ZFTA: variants seen among roughly 807,000 people sequenced by gnomAD.
ZFTA encodes zinc finger translocation-associated protein.
A neutral mutation model predicts 41.8 loss-of-function variants in ZFTA; 35 were observed. The observed-to-expected ratio is 0.84, with a 90% CI of 0.64 to 1.11. ZFTA has a LOEUF of 1.11. Ranked by LOEUF, ZFTA falls within the 50% of genes most tolerant of loss-of-function variation. The pLI is 0.00. For synonymous variants in ZFTA, 514 were observed against 436.4 expected, an observed-to-expected ratio of 1.18 and a Z score of -2.22; for missense variants, 964 against 989.8, an observed-to-expected ratio of 0.97 and a Z score of 0.35.
Position 63,763,729 on chromosome 11 carries a change from C to A in ZFTA, c.1726G>T (p.Glu576Ter), listed in dbSNP as rs1247962101. 2 of 1,511,306 alleles carry A rather than the reference C, an allele frequency of 1.3e-6. No homozygotes were observed. Among genetic ancestry groups the A allele is most frequent in the Non-Finnish European group, 1.8e-6 (2 of 1,125,910 alleles). 93.6% of individuals were successfully genotyped at this position (1,511,306 alleles called of 1,614,324 possible). The part of the protein sequence containing the change: ...PPPPPPPRSR[E>*]QRRNYQPRWR... ...CGCGGCTGGTAGTTCCGCCGCTGCT[C>A]CCGGCTGCGGGGCGGGGGCGGAGGC... is the stretch of plus-strand genomic sequence containing the variant. The change falls in exon 5 of 5, where the codon GAG becomes TAG. Residue 576 changes from glutamate to a stop codon, truncating the protein, a stop_gained. Coordinates refer to ENST00000433688, the MANE Select transcript of ZFTA (RefSeq NM_001144936.2). LOFTEE classifies it low-confidence loss of function (END_TRUNC).
Position 63,763,632 on chromosome 11 carries a change from G to A in ZFTA, c.1823C>T (p.Ala608Val), listed in dbSNP as rs1397525154. Reference sequence around the variant, plus strand: ...GGTGCTCACCTTGAGCGTGGCCAGCGCGCCCCCGCACACCATACACACCAG... The same window carrying A: ...GGTGCTCACCTTGAGCGTGGCCAGCACGCCCCCGCACACCATACACACCAG... The part of the protein sequence containing the change: ...RGLVCMVCGG[A>V]LATLKVSTIK... Residue 608 changes from alanine (A) to valine (V), a missense_variant, in exon 5 of 5, where the codon GCG becomes GTG. This residue lies in a region of ZFTA where 63 missense variants were observed against 97.8 expected (regional missense o/e 0.64). Coordinates refer to ENST00000433688, the MANE Select transcript of ZFTA (RefSeq NM_001144936.2). 2 of 1,548,272 alleles carry A rather than the reference G, an allele frequency of 1.3e-6. No homozygotes were observed. Among genetic ancestry groups the A allele is most frequent in the South Asian group, 1.2e-5 (1 of 83,942 alleles).
rs1419243941 is a variant in ZFTA at position 63,765,899 on chromosome 11, A to T, written c.545T>A (p.Leu182Gln). 6.5e-7 allele frequency: 1 copy of T among 1,546,998 alleles called. No individual in the cohort carries two copies. Among genetic ancestry groups the T allele is most frequent in the Non-Finnish European group, 8.7e-7 (1 of 1,145,168 alleles). The change falls in exon 2 of 5, where the codon CTG (leucine) becomes CAG (glutamine). Residue 182 changes from leucine (L) to glutamine (Q), a missense_variant. Transcript: ENST00000433688. The surrounding 1 kb of genome is among the most constrained non-coding windows in gnomAD (Gnocchi z 4.0). ...CTCCTCCTCAGCCCCCTGGACCCCC[A>T]GGCCCTCGGCCTCTCCGCAGGCCCC... ...GLGACGEAEGLGVQGAEEEEE... is the reference protein window; with the variant it reads ...GLGACGEAEGQGVQGAEEEEE...
Position 63,764,413 on chromosome 11 carries a change from C to T in ZFTA, c.1210G>A (p.Val404Ile), listed in dbSNP as rs960847615. Residue 404 changes from valine to isoleucine, a missense_variant, in exon 4 of 5, where the codon GTC becomes ATC. Transcript: ENST00000433688. ...CGGCCCCGCGGCGACCGGCCCGGGA[C>T]CCCCGCCCTCTCGCCCTCGCCCTCC... is the stretch of plus-strand genomic sequence containing the variant. ...LEEGEGERAG[V>I]PGRSPRGRAH... The T allele has an allele frequency of 9.4e-6, 12 of 1,273,374 alleles. No individual in the cohort carries two copies. Among genetic ancestry groups the T allele is most frequent in the Non-Finnish European group, 8.9e-6 (9 of 1,012,412 alleles). The allele number at this position is 1,273,374 out of a possible 1,614,324, so 78.9% of individuals were successfully genotyped here.
In ZFTA at chr11:63,764,112, G is replaced by C. The variant is rs2014702666; in HGVS notation, c.1511C>G (p.Pro504Arg). The C allele has an allele frequency of 1.7e-5, 23 of 1,345,680 alleles. No individual in the cohort carries two copies. The highest frequency in any genetic ancestry group is 4.0e-5 in the Admixed American group (1 of 25,130). The allele number at this position is 1,345,680 out of a possible 1,614,324, so 83.4% of individuals were successfully genotyped here. ...RPESPQGPIP[P>R]GTAAASDEGG... ...CTCGTCGGAGGCTGCGGCAGTGCCGGGGGGGATGGGGCCCTGGGGGGACTC... is the reference window on the plus strand; with the variant it reads ...CTCGTCGGAGGCTGCGGCAGTGCCGCGGGGGATGGGGCCCTGGGGGGACTC... Residue 504 changes from proline (P) to arginine (R), a missense_variant, in exon 4 of 5, where the codon CCC (proline) becomes CGC (arginine). By Grantham distance (103) the Pro-to-Arg change is moderately radical. This residue lies in a region of ZFTA where 584 missense variants were observed against 523.1 expected (regional missense o/e 1.12). Coordinates refer to ENST00000433688, the MANE Select transcript of ZFTA (RefSeq NM_001144936.2).
At position 63,765,329 on chromosome 11, in the gene ZFTA, A is replaced by C; in HGVS notation, c.638-75T>G. ...ACCCACTACAGCCAGGTCTCCCACA[A>C]GCCTCTCACTCACTTGGGCCCCAGG... is the stretch of plus-strand genomic sequence containing the variant. On this transcript the variant is annotated intron_variant, in intron 2 of 4. Transcript: ENST00000433688. This position sits in a 1 kb window ranked among gnomAD's most constrained non-coding sequence, Gnocchi z 4.0. 7.2e-7 allele frequency: 1 copy of C among 1,382,914 alleles called. No individual in the cohort carries two copies. The allele number at this position is 1,382,914 out of a possible 1,614,324, so 85.7% of individuals were successfully genotyped here.
At position 63,766,184 on chromosome 11, in the gene ZFTA, C is replaced by A; in HGVS notation, c.260G>T (p.Arg87Leu). The change falls in exon 2 of 5, where the codon CGG becomes CTG. Residue 87 changes from arginine (R) to leucine (L), a missense_variant. Transcript: ENST00000433688. ...GRKYSDHCEARASRPGKSRIP... is the reference protein window; with the variant it reads ...GRKYSDHCEALASRPGKSRIP... ...GCGGCTCTTTCCAGGCCTCGAGGCC[C>A]GGGCCTCACAGTGGTCTGAATATTT... 6.5e-7 allele frequency: 1 copy of A among 1,527,480 alleles called. No individual in the cohort carries two copies. The highest frequency in any genetic ancestry group is 8.8e-7 in the Non-Finnish European group (1 of 1,136,314). 94.6% of individuals were successfully genotyped at this position (1,527,480 alleles called of 1,614,324 possible).
In ZFTA at chr11:63,764,443, G is replaced by GCTC. The variant is rs967666675; in HGVS notation, c.1177_1179dup (p.Glu393dup). On this transcript the variant is annotated inframe_insertion, in exon 4 of 5. Transcript: ENST00000433688. ...GCCCTCTCGCCCTCGCCCTCCTCCAGCTCCTCCTCCTCCTCTGCGGGCCCG... is the reference window on the plus strand; with the variant it reads ...GCCCTCTCGCCCTCGCCCTCCTCCAGCTCCTCCTCCTCCTCCTCTGCGGGCCCG... The GCTC allele has an allele frequency of 3.2e-5, 41 of 1,265,464 alleles. No homozygotes were observed. In the East Asian group the frequency reaches 9.8e-4, roughly 30 times the overall value. 78.4% of individuals were successfully genotyped at this position (1,265,464 alleles called of 1,614,324 possible). A position where few individuals can be genotyped will look rare whatever the true frequency, so the allele number is the denominator to read the frequency against.
At chr11:63,768,299 C>T (rs2014779934) in intron 1 of ZFTA, among the ~76,000 whole-genome samples, 185 bp downstream of exon 1, 1 of 149,868 alleles carries the variant, frequency 6.7e-6, no homozygotes, top group South Asian at 2.1e-4. Context: ...GCGAGCCGAC[C>T]CCGGGAGCTG....
In ZFTA at chr11:63,763,319, C is replaced by T; in HGVS notation, c.*99G>A. The T allele has an allele frequency of 3.2e-6, 3 of 937,188 alleles. No individual in the cohort carries two copies. In the South Asian group the frequency reaches 1.5e-4, roughly 46 times the overall value. The allele number at this position is 937,188 out of a possible 1,614,324, so 58.1% of individuals were successfully genotyped here. A position where few individuals can be genotyped will look rare whatever the true frequency, so the allele number is the denominator to read the frequency against. Reference sequence around the variant, plus strand: ...GGCGCGGCCGCGGGAAGCGCTAACACCGGACGCGAGGGTCTCCCAGCCGAA... The same window carrying T: ...GGCGCGGCCGCGGGAAGCGCTAACATCGGACGCGAGGGTCTCCCAGCCGAA... On this transcript the variant is annotated 3_prime_UTR_variant, in exon 5 of 5. Transcript: ENST00000433688.
At chr11:63,766,397 G>A (rs866309594) in intron 1 of ZFTA, 93 bp from the exon 2 acceptor site, 10 of 1,387,008 alleles carry the variant, frequency 7.2e-6, no homozygotes, top group Middle Eastern at 1.9e-4. Flanking sequence ...AAGGGAGCTG[G>A]GGGAGGGGGT....
rs889654374 is a variant in ZFTA at position 63,764,060 on chromosome 11, T to C, written c.1563A>G (p.Pro521=). ...DEGGGDEEEE[P]EEEEEEWGDV... ...CACCCCACTCCTCCTCCTCCTCCTC[T>C]GGCTCCTCCTCCTCGTCCCCTCCCC... Residue 521 remains proline, a synonymous_variant, in exon 4 of 5, where the codon CCA becomes CCG. Coordinates refer to ENST00000433688, the MANE Select transcript of ZFTA (RefSeq NM_001144936.2). 8.3e-6 allele frequency: 11 copies of C among 1,332,554 alleles called. No individual in the cohort carries two copies. In the Admixed American group the frequency reaches 1.2e-4, roughly 15 times the overall value. The allele number at this position is 1,332,554 out of a possible 1,614,324, so 82.5% of individuals were successfully genotyped here.
In ZFTA at chr11:63,768,757, G is replaced by T. The variant is rs1006911453; in HGVS notation, c.-135C>A. The T allele has an allele frequency of 8.7e-5, 19 of 218,870 alleles. No homozygotes were observed. Among genetic ancestry groups the T allele is most frequent in the Non-Finnish European group, 1.2e-4 (16 of 131,330 alleles). 13.6% of individuals were successfully genotyped at this position (218,870 alleles called of 1,614,324 possible). ...GCACGGGGCGGCCGGCCGCACGGACGGCAGGCTGCTCGCTCGGCGGCGCGG... is the reference window on the plus strand; with the variant it reads ...GCACGGGGCGGCCGGCCGCACGGACTGCAGGCTGCTCGCTCGGCGGCGCGG... On this transcript the variant is annotated 5_prime_UTR_variant, in exon 1 of 5. Coordinates refer to ENST00000433688, the MANE Select transcript of ZFTA (RefSeq NM_001144936.2).
At position 63,765,892 on chromosome 11, in the gene ZFTA, G is replaced by A; in HGVS notation, c.552C>T (p.Val184=). 6.5e-7 allele frequency: 1 copy of A among 1,543,376 alleles called. No homozygotes were observed. Among genetic ancestry groups the A allele is most frequent in the Non-Finnish European group, 8.7e-7 (1 of 1,143,296 alleles). ...CCTCCTCCTCCTCCTCAGCCCCCTG[G>A]ACCCCCAGGCCCTCGGCCTCTCCGC... The part of the protein sequence containing the change: ...GACGEAEGLG[V]QGAEEEEEEE... Residue 184 remains valine (V), a synonymous_variant, in exon 2 of 5, where the codon GTC becomes GTT. Transcript: ENST00000433688. The surrounding 1 kb of genome is among the most constrained non-coding windows in gnomAD (Gnocchi z 4.0).
In ZFTA at chr11:63,764,296, C is replaced by T; in HGVS notation, c.1327G>A (p.Gly443Arg). The change falls in exon 4 of 5, where the codon GGG becomes AGG. Residue 443 changes from glycine (G) to arginine (R), a missense_variant. Transcript: ENST00000433688. Reference sequence around the variant, plus strand: ...ATCTTGAGCGAGGCCAGCGCGCCCCCGCACACCCCGCACACCAGGCCGCGC... The same window carrying T: ...ATCTTGAGCGAGGCCAGCGCGCCCCTGCACACCCCGCACACCAGGCCGCGC... The part of the protein sequence containing the change: ...GRRGLVCGVC[G>R]GALASLKMST... 4 of 1,422,402 alleles carry T rather than the reference C, an allele frequency of 2.8e-6. No individual in the cohort carries two copies. The highest frequency in any genetic ancestry group is 3.7e-6 in the Non-Finnish European group (4 of 1,094,230). 88.1% of individuals were successfully genotyped at this position (1,422,402 alleles called of 1,614,324 possible).
Position 63,764,580 on chromosome 11 carries a change from TG to T in ZFTA, c.1042del (p.Gln348ArgfsTer3). On this transcript the variant is annotated frameshift_variant, in exon 4 of 5. Coordinates refer to ENST00000433688, the MANE Select transcript of ZFTA (RefSeq NM_001144936.2). LOFTEE classifies it high-confidence loss of function. ...GTCCCGGCTCTTTCCGGTCAGGTCC[TG>T]GGGGGCGAGGTCATCGCCTGTTGGG... ...QSPPGDDLAP[Q>X]DLTGKSRDSA... 1.6e-6 allele frequency: 2 copies of T among 1,255,798 alleles called. No homozygotes were observed. The highest frequency in any genetic ancestry group is 3.2e-5 in the East Asian group (1 of 31,742). The allele number at this position is 1,255,798 out of a possible 1,614,324, so 77.8% of individuals were successfully genotyped here. A position where few individuals can be genotyped will look rare whatever the true frequency, so the allele number is the denominator to read the frequency against.
chr11:63,768,354 A>T (rs2135099770), intron 1 of ZFTA, 130 bp downstream of exon 1: 1 of 436,330 alleles, frequency 2.3e-6, no homozygotes, highest in Non-Finnish European at 3.1e-6. Flanking sequence ...CTCCGCGCCC[A>T]CCAGGTGGCG....
At chr11:63,768,120 C>A (rs966146210) in intron 1 of ZFTA, among the ~76,000 whole-genome samples, 1 of 152,080 alleles carries the variant, frequency 6.6e-6, no homozygotes, top group African/African-American at 2.4e-5. Flanking sequence ...GAGAGAAAGC[C>A]CGATTAGGGA....
intron 1 of ZFTA, among the ~76,000 whole-genome samples, chr11:63,767,034 T>C (rs1247758376): frequency 6.6e-6 from 1 of 151,962 alleles, no homozygotes; most frequent in African/African-American, 2.4e-5. Flanking sequence ...CGGCAGGGAG[T>C]GGCCACCATC....
Position 63,763,140 on chromosome 11 carries a change from A to C in ZFTA, c.*278T>G. ...GTGGAGGCCACTGAGGATTCTCGGA[A>C]AACGTGGGCCCTGCGCGGGGAGGGC... On this transcript the variant is annotated 3_prime_UTR_variant, in exon 5 of 5. Transcript: ENST00000433688. The C allele has an allele frequency of 1.1e-5, 2 of 176,934 alleles. No individual in the cohort carries two copies. Among genetic ancestry groups the C allele is most frequent in the Non-Finnish European group, 2.4e-5 (2 of 83,398 alleles). 11.0% of individuals were successfully genotyped at this position (176,934 alleles called of 1,614,324 possible).
Sources: allele counts gnomAD v4.1 joint callset (sites outside exome capture counted in the v4.1 genomes callset), GRCh38; gene constraint gnomAD v4.1.1; regional missense constraint gnomAD v4.1.1; non-coding constraint Gnocchi (gnomAD v3.1); transcripts MANE v1.5; gene names NCBI Gene and HGNC (gene_info 2026-07-23, HGNC 2026-07-21).